The following NHS variants were observed in gnomAD, a reference collection of about 807,000 sequenced individuals.
The protein encoded by NHS is NHS actin remodeling regulator.
Under a neutral mutation model 72.5 loss-of-function variants are expected in NHS, and 5 were observed. The ratio of observed to expected loss-of-function variants is 0.07; its 90% confidence interval spans 0.04 to 0.14. The LOEUF is 0.14. NHS is among the 10% of genes least tolerant of loss of function. The pLI is 1.00. For missense variants in NHS, 1,072 were observed against 1,355.7 expected (o/e 0.79, Z 3.29); for synonymous variants, 464 against 547.7 (o/e 0.85, Z 2.13).
At chrX:17,393,607 G>A (rs764549861) in intron 1 of NHS, among the ~76,000 whole-genome samples, 35 of 112,312 alleles carry the variant, frequency 3.1e-4, no homozygotes, top group Admixed American at 7.5e-4. Flanking sequence ...TTTCCTTGGG[G>A]AAACAGTGGA....
intron 1 of NHS, among the ~76,000 whole-genome samples, chrX:17,540,692 T>C (rs1169182060): frequency 8.9e-5 from 10 of 112,345 alleles, no homozygotes; most frequent in Non-Finnish European, 1.9e-4. Context: ...ATTTCACTTA[T>C]CTGAACTCTG....
At chrX:17,544,318 C>T (rs1482478833) in intron 1 of NHS, among the ~76,000 whole-genome samples, 1 of 111,511 alleles carries the variant, frequency 9.0e-6, no homozygotes, top group African/African-American at 3.3e-5. Flanking sequence ...AACCATGATG[C>T]TTTGTGTATA....
chrX:17,475,527 T>C (rs2064912989), intron 1 of NHS, among the ~76,000 whole-genome samples: 1 of 111,934 alleles, frequency 8.9e-6, no homozygotes, highest in African/African-American at 3.2e-5. Flanking sequence ...TCCCGTTTTC[T>C]AGTTTGTCCT....
intron 1 of NHS, among the ~76,000 whole-genome samples, chrX:17,663,565 T>G (rs2065993518): frequency 8.9e-6 from 1 of 112,424 alleles, no homozygotes; most frequent in African/African-American, 3.2e-5. Flanking sequence ...ATCAGTAGTT[T>G]ATTCTTTTTA....
chrX:17,722,390 A>G (rs2066411673), intron 5 of NHS, among the ~76,000 whole-genome samples: 1 of 112,118 alleles, frequency 8.9e-6, no homozygotes, highest in South Asian at 3.7e-4. Context: ...TACATCTCTA[A>G]TAGTTACATT....
At chrX:17,579,482 C>A (rs933861502) in intron 1 of NHS, among the ~76,000 whole-genome samples, 2 of 111,119 alleles carry the variant, frequency 1.8e-5, no homozygotes, top group East Asian at 2.8e-4. Flanking sequence ...TCCCCCTCTC[C>A]CTCTCCTTTT....
At chrX:17,425,644 A>G (rs1047604245) in intron 1 of NHS, among the ~76,000 whole-genome samples, 2 of 105,843 alleles carry the variant, frequency 1.9e-5, no homozygotes, top group African/African-American at 6.8e-5. Flanking sequence ...TTACATGAAC[A>G]GAGGAGGCCT....
chrX:17,541,695 T>TGCA (rs777531542), intron 1 of NHS, among the ~76,000 whole-genome samples: 81 of 109,032 alleles, frequency 7.4e-4, no homozygotes, highest in Non-Finnish European at 1.2e-3. Context: ...CGGCCAGCCC[T>TGCA]GCAGCTCATC....
chrX:17,386,376 C>T (rs1476250551), intron 1 of NHS, among the ~76,000 whole-genome samples: 1 of 111,062 alleles, frequency 9.0e-6, no homozygotes, highest in Non-Finnish European at 1.9e-5. Flanking sequence ...TAAGAATGTC[C>T]CAGGCCAGGC....
At chrX:17,676,720 A>G (rs763024144) in intron 1 of NHS, among the ~76,000 whole-genome samples, 1 of 112,363 alleles carries the variant, frequency 8.9e-6, no homozygotes, top group African/African-American at 3.2e-5. Context: ...GTTTAAGCTC[A>G]GGCGTGGAAG....
chrX:17,723,519 G>C (rs1401113685), intron 5 of NHS, among the ~76,000 whole-genome samples: 1 of 111,814 alleles, frequency 8.9e-6, no homozygotes, highest in African/African-American at 3.3e-5. Flanking sequence ...ATAAAGACTG[G>C]CAATTCCAGC....
intron 1 of NHS, among the ~76,000 whole-genome samples, chrX:17,446,679 A>C (rs1200281665): frequency 9.0e-6 from 1 of 111,063 alleles, no homozygotes; most frequent in Non-Finnish European, 1.9e-5. Flanking sequence ...AAATCAATAA[A>C]ATAAAACTAA....
intron 1 of NHS, among the ~76,000 whole-genome samples, chrX:17,647,195 C>G (rs2065909943): frequency 8.9e-6 from 1 of 112,457 alleles, no homozygotes; most frequent in Non-Finnish European, 1.9e-5. Flanking sequence ...GCTGAAGGAT[C>G]AAGTAATATG....
rs2147150560 is a variant in NHS, at chrX:17,734,194, T to C, written c.*1730T>C. 1 of 112,151 alleles carries C rather than the reference T, an allele frequency of 8.9e-6. No individual in the cohort carries two copies. Among genetic ancestry groups the C allele is most frequent in the South Asian group, 3.7e-4 (1 of 2,671 alleles). 9.2% of individuals were successfully genotyped at this position (112,151 alleles called of 1,213,427 possible). On this transcript the variant is annotated 3_prime_UTR_variant, in exon 9 of 9. Coordinates refer to ENST00000676302, the MANE Select transcript of NHS (RefSeq NM_001291867.2). ...ATTGACAAGCTGCTGGCTTTAAGCT[T>C]ATGCAAGTGGTAGTTGGGAAAGTAG...
At chrX:17,584,565 C>T (rs764466551) in intron 1 of NHS, among the ~76,000 whole-genome samples, 1 of 112,379 alleles carries the variant, frequency 8.9e-6, no homozygotes, top group East Asian at 2.8e-4. Context: ...CTACTCTGTT[C>T]TTGTGATATG....
chrX:17,591,528 G>T lies in NHS; in HGVS notation c.566-96214G>T, dbSNP rs529159875. Among the ~76,000 whole-genome samples, 34 of 111,840 alleles carry T rather than the reference G, an allele frequency of 3.0e-4. No individual in the cohort carries two copies. In the South Asian group the frequency reaches 0.012, roughly 40 times the overall value. ...GTATGAAGACAGAATCCTCCACCCT[G>T]CCCTTAAAATTTCACATAGAATAGG... On this transcript the variant is annotated intron_variant, in intron 1 of 8. Coordinates refer to ENST00000676302, the MANE Select transcript of NHS (RefSeq NM_001291867.2).
intron 1 of NHS, among the ~76,000 whole-genome samples, chrX:17,390,416 T>C (rs748780288): frequency 2.0e-5 from 2 of 102,265 alleles, no homozygotes; most frequent in Admixed American, 2.2e-4. Context: ...ATTTACAAGA[T>C]GGCGCATGTT....
intron 1 of NHS, among the ~76,000 whole-genome samples, chrX:17,489,868 C>T (rs2064982829): frequency 8.9e-6 from 1 of 112,161 alleles, no homozygotes; most frequent in Non-Finnish European, 1.9e-5. Flanking sequence ...TTGCATTTCT[C>T]TAATAACCAG....
At chrX:17,425,520 G>T (rs1601700625) in intron 1 of NHS, among the ~76,000 whole-genome samples, 1 of 37,043 alleles carries the variant, frequency 2.7e-5, no homozygotes. Flanking sequence ...ACTCTTCTCA[G>T]CCAAAAAAAA....
Sources: gnomAD v4.1 joint callset for allele counts (sites outside exome capture counted in the v4.1 genomes callset) on GRCh38, gnomAD v4.1.1 for gene constraint, MANE v1.5 for transcripts, NCBI Gene and HGNC (gene_info 2026-07-23, HGNC 2026-07-21) for gene names.